The following LOXL2 variants were observed in gnomAD, a reference collection of about 807,000 sequenced individuals.
LOXL2 encodes lysyl oxidase homolog 2.
Under a neutral mutation model 93.0 loss-of-function variants are expected in LOXL2, and 70 were observed. The observed-to-expected ratio is 0.75, with a 90% CI of 0.62 to 0.92. The LOEUF is 0.92. Among genes scored for constraint, LOXL2 ranks in the 40% least tolerant of loss-of-function variants. LOXL2 has a pLI of 0.00. For missense variants in LOXL2, 973 were observed against 1,054.9 expected, an observed-to-expected ratio of 0.92 and a Z score of 1.08; for synonymous variants, 438 against 413.2, an observed-to-expected ratio of 1.06 and a Z score of -0.73.
intron 7 of LOXL2, 89 bp downstream of exon 7, chr8:23,322,041 T>C: frequency 7.2e-7 from 1 of 1,398,254 alleles, no homozygotes; most frequent in South Asian, 1.3e-5. Context: ...CAGCAGCACC[T>C]GGTCACTTCC....
At chr8:23,334,381 T>C (rs1803755798) in intron 4 of LOXL2, among the ~76,000 whole-genome samples, 1 of 152,254 alleles carries the variant, frequency 6.6e-6, no homozygotes. Context: ...CAATGAGCAG[T>C]ACAAGCTGAT....
intron 5 of LOXL2, among the ~76,000 whole-genome samples, chr8:23,332,389 TAC>T (rs1159719571): frequency 2.7e-4 from 22 of 81,716 alleles, no homozygotes; most frequent in East Asian, 5.6e-4. Context: ...TACACACTCA[TAC>T]ACACACACTC....
intron 1 of LOXL2, chr8:23,386,023 G>C: frequency 1.3e-6 from 1 of 765,236 alleles, no homozygotes; most frequent in Non-Finnish European, 2.4e-6. Flanking sequence ...CCTGAGCAAG[G>C]TATTATCAGC....
intron 4 of LOXL2, among the ~76,000 whole-genome samples, chr8:23,339,435 A>G (rs1803845356): frequency 2.0e-5 from 3 of 152,032 alleles, no homozygotes; most frequent in South Asian, 2.1e-4. Context: ...GGGGGTTCCA[A>G]TCCAGCACGT....
At chr8:23,325,326 A>G (rs1269680859) in intron 6 of LOXL2, among the ~76,000 whole-genome samples, 3 of 152,136 alleles carry the variant, frequency 2.0e-5, no homozygotes, top group East Asian at 1.9e-4. Flanking sequence ...GAGTCTCGCT[A>G]TGTCACTCAA....
In LOXL2 at chr8:23,309,732, T is replaced by G. The variant is rs149695017; in HGVS notation, c.1816A>C (p.Asn606His). ...TTGGGCCGGAAGTCGGACTGGCCAT[T>G]GTTGTGGATCTGGGAGGAGAAGCGC... is the stretch of plus-strand genomic sequence containing the variant. ...LLRFSSQIHN[N>H]GQSDFRPKNG... is the part of the protein sequence containing the mutation. The change falls in exon 10 of 14, where the codon AAT becomes CAT. Residue 606 changes from asparagine (N) to histidine (H), a missense_variant. By Grantham distance (68) the Asn-to-His change is moderately conservative (BLOSUM62 1). Coordinates refer to ENST00000389131, the MANE Select transcript of LOXL2 (RefSeq NM_002318.3). 78 of 1,595,874 alleles carry G rather than the reference T, an allele frequency of 4.9e-5. No individual in the cohort carries two copies. The African/African-American group carries it at 8.1e-4, about 17-fold the overall frequency.
chr8:23,318,453 ACACAC>A (rs148037252), intron 8 of LOXL2, among the ~76,000 whole-genome samples: 17 of 138,972 alleles, frequency 1.2e-4, no homozygotes, highest in South Asian at 2.1e-4. Context: ...ACACACACAC[ACACAC>A]ACAAAAATAC....
At chr8:23,352,282 C>A (rs1305644048) in intron 3 of LOXL2, among the ~76,000 whole-genome samples, 1 of 152,150 alleles carries the variant, frequency 6.6e-6, no homozygotes, top group African/African-American at 2.4e-5. Context: ...CACAAACTAC[C>A]CCCTGGCTAC....
At chr8:23,332,840 C>A (rs1231347585) in intron 5 of LOXL2, among the ~76,000 whole-genome samples, 1 of 120,800 alleles carries the variant, frequency 8.3e-6, no homozygotes, top group Admixed American at 9.0e-5. Context: ...ACACACTCAC[C>A]CCCGCACACA....
intron 3 of LOXL2, among the ~76,000 whole-genome samples, chr8:23,341,932 A>T (rs1803888850): frequency 6.6e-6 from 1 of 152,216 alleles, no homozygotes; most frequent in African/African-American, 2.4e-5. Context: ...AGACACAGCA[A>T]GGAAAGGAGA....
At chr8:23,343,970 C>T (rs1034007897) in intron 3 of LOXL2, among the ~76,000 whole-genome samples, 8 of 152,258 alleles carry the variant, frequency 5.3e-5, no homozygotes, top group African/African-American at 1.7e-4. Flanking sequence ...ACAGGGCAGG[C>T]GGCCCGGGCT....
chr8:23,370,295 TCA>T (rs370945946), intron 1 of LOXL2, among the ~76,000 whole-genome samples: 44 of 152,260 alleles, frequency 2.9e-4, no homozygotes, highest in African/African-American at 1.1e-3. Context: ...TTCCTGTTCT[TCA>T]CAGAGACCTT....
chr8:23,388,623 TCACACACACACACA>T (rs10522826), intron 1 of LOXL2, among the ~76,000 whole-genome samples: 1,838 of 142,916 alleles, frequency 0.013, 45 homozygotes, highest in African/African-American at 0.038. Context: ...AAAAATATAC[TCACACACACACACA>T]CACACACACA....
At position 23,397,990 on chromosome 8, in the gene LOXL2, T is replaced by C. The variant is rs906293795; in HGVS notation, c.-84+5964A>G. Among the ~76,000 whole-genome samples the C allele has an allele frequency of 2.1e-5, 3 of 142,678 alleles. No homozygotes were observed. The Admixed American group carries it at 2.1e-4, about 10-fold the overall frequency. 93.6% of individuals were successfully genotyped at this position (142,678 alleles called of 152,430 possible). ...AAAAAAAAAAAAAAAAAAAAAGAAA[T>C]GTGCTTTACTCAATTTTATATTTGT... is the stretch of plus-strand genomic sequence containing the variant. On this transcript the variant is annotated intron_variant, in intron 1 of 13. Coordinates refer to ENST00000389131, the MANE Select transcript of LOXL2 (RefSeq NM_002318.3).
intron 3 of LOXL2, among the ~76,000 whole-genome samples, chr8:23,355,861 T>C (rs565425522): frequency 7.2e-5 from 11 of 151,926 alleles, no homozygotes; most frequent in African/African-American, 2.7e-4. Flanking sequence ...TGCCCACCTC[T>C]GCCACCCAAA....
intron 2 of LOXL2, chr8:23,364,170 A>G (rs1265648738): frequency 6.6e-6 from 1 of 150,664 alleles, no homozygotes; most frequent in African/African-American, 2.5e-5. Context: ...GCCACTGCAA[A>G]GGGCCCTTTT....
chr8:23,390,081 G>A (rs1001182698), intron 1 of LOXL2, among the ~76,000 whole-genome samples: 2 of 152,156 alleles, frequency 1.3e-5, no homozygotes, highest in African/African-American at 4.8e-5. Flanking sequence ...TTGGGGTCAG[G>A]GGCTAGGGTG....
At chr8:23,371,845 G>A (rs531511828) in intron 1 of LOXL2, among the ~76,000 whole-genome samples, 3 of 150,780 alleles carry the variant, frequency 2.0e-5, no homozygotes, top group South Asian at 2.1e-4. Context: ...AGTGGTTTGA[G>A]GTTCTTGTGT....
intron 1 of LOXL2, among the ~76,000 whole-genome samples, chr8:23,390,996 G>A (rs957073658): frequency 1.3e-5 from 2 of 152,166 alleles, no homozygotes; most frequent in East Asian, 3.9e-4. Flanking sequence ...AGACATGAGA[G>A]AATATGAGAG....
Sources: allele counts gnomAD v4.1 joint callset (sites outside exome capture counted in the v4.1 genomes callset), GRCh38; gene constraint gnomAD v4.1.1; transcripts MANE v1.5; gene names NCBI Gene and HGNC (gene_info 2026-07-23, HGNC 2026-07-21).